Variants in BCL3 observed in about 807,000 individuals in gnomAD.
BCL3 encodes BCL3 transcription coactivator.
Under a neutral mutation model 35.7 loss-of-function variants are expected in BCL3, and 15 were observed. The ratio of observed to expected loss-of-function variants is 0.42; its 90% CI spans 0.28 to 0.65. BCL3 has a LOEUF of 0.65. Among genes scored for constraint, BCL3 ranks in the 30% least tolerant of loss-of-function variants. BCL3 has a pLI of 0.22. For synonymous variants in BCL3, 311 were observed against 284.3 expected (o/e 1.09, Z -0.95); for missense variants, 565 against 641.7 (o/e 0.88, Z 1.29).
At chr19:44,756,859 G>T (rs937980921) in intron 3 of BCL3, among the ~76,000 whole-genome samples, 158 bp from the exon 4 acceptor site, 30 of 152,118 alleles carry the variant, frequency 2.0e-4, no homozygotes, top group Non-Finnish European at 7.4e-5. Context: ...GGAAGGAGGA[G>T]CATGGGGCCC....
chr19:44,759,773 T>C lies in BCL3; in HGVS notation c.*158T>C. On this transcript the variant is annotated 3_prime_UTR_variant, in exon 9 of 9. Coordinates refer to ENST00000164227, the MANE Select transcript of BCL3 (RefSeq NM_005178.5). The stretch of plus-strand genomic sequence containing the variant: ...CACATGCACCTACCCATACACCCCC[T>C]CTTCTGAGCACAGATGTTCCCCCAT... The C allele has an allele frequency of 2.0e-6, 1 of 492,226 alleles. No homozygotes were observed. The highest frequency in any genetic ancestry group is 2.4e-5 in the South Asian group (1 of 41,730). The allele number at this position is 492,226 out of a possible 1,614,324, so 30.5% of individuals were successfully genotyped here. A position where few individuals can be genotyped will look rare whatever the true frequency, so the allele number is the denominator to read the frequency against.
At chr19:44,758,133 C>A in intron 6 of BCL3, 113 bp from the exon 7 acceptor site, 1 of 1,145,280 alleles carries the variant, frequency 8.7e-7, no homozygotes, top group South Asian at 1.8e-5. Context: ...CCTGTGACCC[C>A]ACCCCGATCC....
upstream of BCL3, chr19:44,748,552 G>A (rs968027529): frequency 3.7e-5 from 11 of 296,194 alleles, no homozygotes; most frequent in African/African-American, 2.3e-4. Flanking sequence ...CGGCGCGGGC[G>A]GGGCGCAGGG....
intron 2 of BCL3, among the ~76,000 whole-genome samples, chr19:44,754,530 C>G (rs747913715): frequency 1.3e-5 from 2 of 152,150 alleles, no homozygotes; most frequent in Non-Finnish European, 2.9e-5. Context: ...AGGGCTGGGT[C>G]GCCCCTCCCG....
chr19:44,748,782 G>A lies in BCL3; in HGVS notation c.-9G>A. 3 of 1,106,038 alleles carry A rather than the reference G, an allele frequency of 2.7e-6. No homozygotes were observed. Among genetic ancestry groups the A allele is most frequent in the East Asian group, 4.8e-5 (1 of 20,636 alleles). 68.5% of individuals were successfully genotyped at this position (1,106,038 alleles called of 1,614,324 possible). On this transcript the variant is annotated 5_prime_UTR_variant, in exon 1 of 9. Coordinates refer to ENST00000164227, the MANE Select transcript of BCL3 (RefSeq NM_005178.5). ...CAGCCGCTCTCCGGCCGCCGTCCCCGGCGGCCCCATGCCCCGATGCCCCGC... is the reference window on the plus strand; with the variant it reads ...CAGCCGCTCTCCGGCCGCCGTCCCCAGCGGCCCCATGCCCCGATGCCCCGC...
Position 44,751,230 on chromosome 19 carries a change from C to T in BCL3, c.260C>T (p.Ala87Val), listed in dbSNP as rs765593954. 1.2e-6 allele frequency: 2 copies of T among 1,609,888 alleles called. No homozygotes were observed. Among genetic ancestry groups the T allele is most frequent in the Non-Finnish European group, 1.7e-6 (2 of 1,178,410 alleles). Residue 87 changes from alanine (A) to valine (V), a missense_variant, in exon 2 of 9, where the codon GCC becomes GTC. Around this residue, in one of 5 missense-constraint regions of BCL3, gnomAD observed 267 missense variants for 281.5 expected, o/e 0.95. Transcript: ENST00000164227. ...ARPEALYYPG[A>V]LLPLYPTRAM... is the part of the protein sequence containing the mutation. ...TTCTCTGTCCTCCATTGTCCAGGAG[C>T]CTTACTGCCTTTGTACCCCACTCGG...
Position 44,757,414 on chromosome 19 carries a change from T to C in BCL3, c.812T>C (p.Val271Ala). 1 of 1,523,086 alleles carries C rather than the reference T, an allele frequency of 6.6e-7. No homozygotes were observed. Among genetic ancestry groups the C allele is most frequent in the Non-Finnish European group, 8.8e-7 (1 of 1,132,332 alleles). 94.3% of individuals were successfully genotyped at this position (1,523,086 alleles called of 1,614,324 possible). ...GAGCGCGGTGCCGACATCGACGCAG[T>C]GGTGAGCGTGCACTAGGAGCTGGGA... ...LLERGADIDA[V>A]DIKSGRSPLI... The change falls in exon 5 of 9, where the codon GTG (valine) becomes GCG (alanine). Residue 271 changes from valine to alanine, a missense_variant and splice_region_variant. Physicochemically the swap from Val to Ala is moderately conservative, Grantham distance 64 (BLOSUM62 0). Transcript: ENST00000164227. This position sits in a 1 kb window ranked among gnomAD's most constrained non-coding sequence, Gnocchi z 8.4.
rs774452583 is a variant in BCL3 at position 44,748,991 on chromosome 19, G to T, written c.201G>T (p.Pro67=). 2.0e-5 allele frequency: 28 copies of T among 1,383,774 alleles called. No individual in the cohort carries two copies. Among genetic ancestry groups the T allele is most frequent in the South Asian group, 3.1e-5 (2 of 65,040 alleles). 85.7% of individuals were successfully genotyped at this position (1,383,774 alleles called of 1,614,324 possible). A position where few individuals can be genotyped will look rare whatever the true frequency, so the allele number is the denominator to read the frequency against. ...CTCTGCGCGGCGGCTGCGACCTGCC[G>T]GCGGTCCCCGGGCCCCCCCACGGCC... ...LDPLRGGCDL[P]AVPGPPHGLA... The change falls in exon 1 of 9, where the codon CCG becomes CCT. Residue 67 remains proline (P), a synonymous_variant. Transcript: ENST00000164227.
chr19:44,748,759 G>A lies in BCL3; in HGVS notation c.-32G>A. Reference sequence around the variant, plus strand: ...CCACCCTCCCGTGCAGCCGAGCCCAGCCGCTCTCCGGCCGCCGTCCCCGGC... The same window carrying A: ...CCACCCTCCCGTGCAGCCGAGCCCAACCGCTCTCCGGCCGCCGTCCCCGGC... On this transcript the variant is annotated 5_prime_UTR_variant, in exon 1 of 9. Coordinates refer to ENST00000164227, the MANE Select transcript of BCL3 (RefSeq NM_005178.5). 1 of 1,091,664 alleles carries A rather than the reference G, an allele frequency of 9.2e-7. No individual in the cohort carries two copies. The highest frequency in any genetic ancestry group is 1.1e-6 in the Non-Finnish European group (1 of 898,612). 67.6% of individuals were successfully genotyped at this position (1,091,664 alleles called of 1,614,324 possible).
At chr19:44,749,460 T>A (rs1433380728) in intron 1 of BCL3, among the ~76,000 whole-genome samples, 1 of 81,692 alleles carries the variant, frequency 1.2e-5, no homozygotes, top group Non-Finnish European at 2.8e-5. Flanking sequence ...TATCCTGATA[T>A]TATTAGAATC....
At position 44,757,237 on chromosome 19, in the gene BCL3, G is replaced by T. The variant is rs752068025; in HGVS notation, c.724+16G>T. Reference sequence around the variant, plus strand: ...AATTATGACGGTAAGCATTTACCGCGGGGCACCGCTGGGCTGTCCAGCGGA... The same window carrying T: ...AATTATGACGGTAAGCATTTACCGCTGGGCACCGCTGGGCTGTCCAGCGGA... On this transcript the variant is annotated intron_variant, in intron 4 of 8. Transcript: ENST00000164227. The surrounding 1 kb of genome is among the most constrained non-coding windows in gnomAD (Gnocchi z 8.4). 3.0e-5 allele frequency: 46 copies of T among 1,547,338 alleles called. 1 individual carries two copies. In the Middle Eastern group the frequency reaches 6.7e-4, roughly 23 times the overall value.
intron 1 of BCL3, among the ~76,000 whole-genome samples, chr19:44,750,701 T>C (rs1334487182): frequency 6.6e-6 from 1 of 152,100 alleles, no homozygotes; most frequent in Non-Finnish European, 1.5e-5. Context: ...GAGAATCGCT[T>C]GAACCTGGGA....
Position 44,757,023 on chromosome 19 carries a change from C to T in BCL3, c.526C>T (p.Leu176Phe), listed in dbSNP as rs771795873. 6.9e-6 allele frequency: 11 copies of T among 1,602,494 alleles called. No homozygotes were observed. Among genetic ancestry groups the T allele is most frequent in the Non-Finnish European group, 9.4e-6 (11 of 1,172,350 alleles). The stretch of plus-strand genomic sequence containing the variant: ...CACAGTCACTGTTCCCCAGACACCG[C>T]TCCACCTGGCTGTGATCACCACATT... ...DIYNNLRQTP[L>F]HLAVITTLPS... Residue 176 changes from leucine to phenylalanine, a missense_variant, in exon 4 of 9, where the codon CTC becomes TTC. This residue lies in a region of BCL3 where 267 missense variants were observed against 281.5 expected (regional missense o/e 0.95). Transcript: ENST00000164227. The surrounding 1 kb of genome is among the most constrained non-coding windows in gnomAD (Gnocchi z 8.4).
rs1224347620 is a variant in BCL3, at chr19:44,757,032, G to A, written c.535G>A (p.Ala179Thr). The change falls in exon 4 of 9, where the codon GCT (alanine) becomes ACT (threonine). Residue 179 changes from alanine (A) to threonine (T), a missense_variant. Ala to Thr is a moderately conservative substitution (Grantham distance 58, BLOSUM62 0). Around this residue, in one of 5 missense-constraint regions of BCL3, gnomAD observed 267 missense variants for 281.5 expected, o/e 0.95. Coordinates refer to ENST00000164227, the MANE Select transcript of BCL3 (RefSeq NM_005178.5). The surrounding 1 kb of genome is among the most constrained non-coding windows in gnomAD (Gnocchi z 8.4). ...NNLRQTPLHLAVITTLPSVVR... is the reference protein window; with the variant it reads ...NNLRQTPLHLTVITTLPSVVR... ...TGTTCCCCAGACACCGCTCCACCTG[G>A]CTGTGATCACCACATTACCGTCTGT... is the stretch of plus-strand genomic sequence containing the variant. The A allele has an allele frequency of 6.2e-7, 1 of 1,606,824 alleles. No individual in the cohort carries two copies. Among genetic ancestry groups the A allele is most frequent in the Non-Finnish European group, 8.5e-7 (1 of 1,175,634 alleles).
Position 44,758,797 on chromosome 19 carries a change from G to T in BCL3, c.1133G>T (p.Ser378Ile), listed in dbSNP as rs760792917. Reference protein sequence around the residue: ...TSQPDPSPDRSANTSPESSSR... With the variant: ...TSQPDPSPDRIANTSPESSSR... The stretch of plus-strand genomic sequence containing the variant: ...CAGCCAGACCCCTCCCCTGACCGGA[G>T]CGCCAACACCTCCCCCGAGAGCAGC... Residue 378 changes from serine to isoleucine, a missense_variant, in exon 8 of 9, where the codon AGC (serine) becomes ATC (isoleucine). This residue lies in a region of BCL3 where 151 missense variants were observed against 138.1 expected (regional missense o/e 1.09). Coordinates refer to ENST00000164227, the MANE Select transcript of BCL3 (RefSeq NM_005178.5). The T allele has an allele frequency of 5.6e-6, 9 of 1,608,540 alleles. No individual in the cohort carries two copies. In the Admixed American group the frequency reaches 8.4e-5, roughly 15 times the overall value.
upstream of BCL3, chr19:44,748,161 C>T (rs1020049044): frequency 8.0e-5 from 92 of 1,143,134 alleles, no homozygotes; most frequent in Admixed American, 1.3e-4. Context: ...AACCCCGTCC[C>T]AGAGATGCCA....
upstream of BCL3, chr19:44,748,234 A>C: frequency 2.2e-6 from 1 of 461,776 alleles, no homozygotes; most frequent in Non-Finnish European, 3.7e-6. Flanking sequence ...TGACAGACAC[A>C]AAGAGACAAA....
Position 44,748,946 on chromosome 19 carries a change from C to T in BCL3, c.156C>T (p.Gly52=), listed in dbSNP as rs891405234. Residue 52 remains glycine, a synonymous_variant, in exon 1 of 9, where the codon GGC becomes GGT. Transcript: ENST00000164227. ...CCGCCGCTCCCCGCGGCGCTGCGGG[C>T]CTTGTCGTCCCCCTGGACCCTCTGC... ...PEPAAPRGAA[G]LVVPLDPLRG... The T allele has an allele frequency of 5.3e-5, 66 of 1,248,022 alleles. No individual in the cohort carries two copies. The highest frequency in any genetic ancestry group is 5.9e-5 in the Non-Finnish European group (59 of 992,520). 77.3% of individuals were successfully genotyped at this position (1,248,022 alleles called of 1,614,324 possible).
Position 44,758,602 on chromosome 19 carries a change from C to T in BCL3, c.1060-122C>T, listed in dbSNP as rs1218774570. 12 of 1,257,480 alleles carry T rather than the reference C, an allele frequency of 9.5e-6. No homozygotes were observed. In the Admixed American group the frequency reaches 2.4e-4, roughly 25 times the overall value. The allele number at this position is 1,257,480 out of a possible 1,614,324, so 77.9% of individuals were successfully genotyped here. A position where few individuals can be genotyped will look rare whatever the true frequency, so the allele number is the denominator to read the frequency against. ...AGACTGGCACCAAGAAAAAAAGTGC[C>T]TTGCCCATCTTTTCATACTGAGAAG... On this transcript the variant is annotated intron_variant, in intron 7 of 8. Transcript: ENST00000164227.
Sources: gnomAD v4.1 joint callset for allele counts (sites outside exome capture counted in the v4.1 genomes callset) on GRCh38, gnomAD v4.1.1 for gene constraint, gnomAD v4.1.1 regional missense constraint, Gnocchi (gnomAD v3.1) non-coding constraint, MANE v1.5 for transcripts, NCBI Gene and HGNC (gene_info 2026-07-23, HGNC 2026-07-21) for gene names.